The following EEFSEC variants were observed in gnomAD, a reference collection of about 807,000 sequenced individuals.
The protein encoded by EEFSEC is eukaryotic elongation factor, selenocysteine-tRNA specific, also known as selenocysteine-specific elongation factor.
In EEFSEC, 43 loss-of-function variants were observed where a neutral mutation model predicts 42.1. That is an observed-to-expected ratio of 1.02 (90% CI 0.80 to 1.32). The LOEUF is 1.32. EEFSEC is among the 40% of genes most tolerant of loss of function. EEFSEC has a pLI of 0.00. For missense variants in EEFSEC, 745 were observed against 803.6 expected (o/e 0.93, Z 0.88); for synonymous variants, 354 against 339.1 (o/e 1.04, Z -0.48).
chr3:128,267,473 T>G (rs868404275), intron 4 of EEFSEC, among the ~76,000 whole-genome samples: 2 of 152,342 alleles, frequency 1.3e-5, no homozygotes, highest in Middle Eastern at 6.8e-3. Context: ...GCAGAACTTG[T>G]AAGCAATGTA....
intron 4 of EEFSEC, among the ~76,000 whole-genome samples, chr3:128,299,435 T>G (rs1318571293): frequency 6.6e-6 from 1 of 152,222 alleles, no homozygotes; most frequent in Non-Finnish European, 1.5e-5. Flanking sequence ...TTTGTTTGTT[T>G]GTTTGTTTTT....
At chr3:128,196,292 C>A (rs2065584128) in intron 1 of EEFSEC, among the ~76,000 whole-genome samples, 1 of 152,204 alleles carries the variant, frequency 6.6e-6, no homozygotes, top group Admixed American at 6.5e-5. Flanking sequence ...TTTCCTTGCT[C>A]AAGATTTGGC....
chr3:128,254,322 A>G (rs2066219956), intron 2 of EEFSEC, among the ~76,000 whole-genome samples: 1 of 152,170 alleles, frequency 6.6e-6, no homozygotes, highest in South Asian at 2.1e-4. Flanking sequence ...GGCCACTGGG[A>G]AGGGGTGCCA....
rs184664864 is a variant in EEFSEC at position 128,158,329 on chromosome 3, T to G, written c.316+4506T>G. On this transcript the variant is annotated intron_variant, in intron 1 of 6. Coordinates refer to ENST00000254730, the MANE Select transcript of EEFSEC (RefSeq NM_021937.5). ...TAGAATATTACATAAACTTAGTTGA[T>G]AAAGCAGTGGCAAGATTTGAGAGGA... Among the ~76,000 whole-genome samples the G allele has an allele frequency of 6.6e-5, 10 of 152,378 alleles. No individual in the cohort carries two copies. The East Asian group carries it at 1.9e-3, about 29-fold the overall frequency.
intron 1 of EEFSEC, among the ~76,000 whole-genome samples, chr3:128,178,445 A>G (rs902033697): frequency 6.6e-6 from 1 of 152,216 alleles, no homozygotes; most frequent in African/African-American, 2.4e-5. Context: ...TCATGTGAAT[A>G]TTTTCTAAAC....
intron 1 of EEFSEC, among the ~76,000 whole-genome samples, chr3:128,189,561 T>TC (rs2065500182): frequency 1.3e-5 from 1 of 77,100 alleles, no homozygotes; most frequent in East Asian, 2.4e-4. Context: ...TTCTTTTCTT[T>TC]TTTTTTTTTT....
chr3:128,229,136 A>G (rs1170781150), intron 1 of EEFSEC, among the ~76,000 whole-genome samples: 1 of 152,222 alleles, frequency 6.6e-6, no homozygotes, highest in Non-Finnish European at 1.5e-5. Flanking sequence ...TTTCACATGC[A>G]TTAACTCCTT....
At chr3:128,382,993 G>A (rs899319264) in intron 6 of EEFSEC, among the ~76,000 whole-genome samples, 4 of 152,126 alleles carry the variant, frequency 2.6e-5, no homozygotes, top group Admixed American at 6.5e-5. Context: ...GGCTGGAGGC[G>A]CCCCCATTCC....
At chr3:128,172,963 A>T (rs140821003) in intron 1 of EEFSEC, among the ~76,000 whole-genome samples, 35 of 152,324 alleles carry the variant, frequency 2.3e-4, no homozygotes, top group African/African-American at 7.9e-4. Flanking sequence ...GTATGTCTAT[A>T]AGATAGATGC....
At chr3:128,181,989 T>C (rs2065410875) in intron 1 of EEFSEC, among the ~76,000 whole-genome samples, 1 of 152,186 alleles carries the variant, frequency 6.6e-6, no homozygotes, top group South Asian at 2.1e-4. Flanking sequence ...AATTTTTGTA[T>C]TTTTAGTAGA....
At chr3:128,321,392 G>C (rs554702741) in intron 4 of EEFSEC, among the ~76,000 whole-genome samples, 2 of 152,120 alleles carry the variant, frequency 1.3e-5, no homozygotes, top group Admixed American at 6.5e-5. Flanking sequence ...TGGCCCTCAG[G>C]GGGCAGCCAC....
chr3:128,314,736 A>T (rs2108026018), intron 4 of EEFSEC, among the ~76,000 whole-genome samples: 1 of 152,274 alleles, frequency 6.6e-6, no homozygotes, highest in African/African-American at 2.4e-5. Flanking sequence ...TACCCAGTAG[A>T]TATCTATAAC....
chr3:128,348,315 C>CT (rs1384292986), intron 5 of EEFSEC, among the ~76,000 whole-genome samples: 2 of 123,290 alleles, frequency 1.6e-5, no homozygotes, highest in African/African-American at 6.7e-5. Flanking sequence ...TGTGTTCATT[C>CT]TTTCACATAT....
At chr3:128,172,506 G>A (rs1322081598) in intron 1 of EEFSEC, among the ~76,000 whole-genome samples, 3 of 152,162 alleles carry the variant, frequency 2.0e-5, no homozygotes, top group Admixed American at 2.0e-4. Context: ...GCTGTGTTGC[G>A]CAGGTTGGTC....
At chr3:128,203,989 A>G (rs2065668122) in intron 1 of EEFSEC, among the ~76,000 whole-genome samples, 1 of 152,268 alleles carries the variant, frequency 6.6e-6, no homozygotes, top group South Asian at 2.1e-4. Flanking sequence ...GTGGGCTGCA[A>G]AGCAGCTCTG....
At chr3:128,218,214 A>G (rs1299154965) in intron 1 of EEFSEC, among the ~76,000 whole-genome samples, 1 of 152,186 alleles carries the variant, frequency 6.6e-6, no homozygotes, top group African/African-American at 2.4e-5. Context: ...GAAAAAAGAG[A>G]CAAACCACAA....
intron 6 of EEFSEC, among the ~76,000 whole-genome samples, chr3:128,381,976 G>T (rs1041425178): frequency 1.3e-5 from 2 of 152,174 alleles, no homozygotes; most frequent in Non-Finnish European, 1.5e-5. Context: ...ACGTGAGGAC[G>T]CCATCCACTA....
In EEFSEC at chr3:128,327,425, C is replaced by T. The variant is rs139878083; in HGVS notation, c.787-13808C>T. 3.4e-3 allele frequency among the ~76,000 whole-genome samples: 521 copies of T among 152,128 alleles called. 4 individuals carry two copies. Among genetic ancestry groups the T allele is most frequent in the African/African-American group, 0.012 (487 of 41,492 alleles). ...TTCATATTCTAATGAAATATGAATA[C>T]ACATCATATTCTAAATATACTTTAT... On this transcript the variant is annotated intron_variant, in intron 4 of 6. Coordinates refer to ENST00000254730, the MANE Select transcript of EEFSEC (RefSeq NM_021937.5).
At chr3:128,360,653 G>A (rs1291030890) in intron 6 of EEFSEC, among the ~76,000 whole-genome samples, 1 of 151,026 alleles carries the variant, frequency 6.6e-6, no homozygotes, top group Non-Finnish European at 1.5e-5. Flanking sequence ...GGAGCCTCTC[G>A]GGGTGCTGGG....
Sources: allele counts gnomAD v4.1 joint callset (sites outside exome capture counted in the v4.1 genomes callset), GRCh38; gene constraint gnomAD v4.1.1; transcripts MANE v1.5; gene names NCBI Gene and HGNC (gene_info 2026-07-23, HGNC 2026-07-21).